The following CCDC171 variants were observed in gnomAD, a reference collection of about 807,000 sequenced individuals.
CCDC171 encodes coiled-coil domain-containing protein 171.
CCDC171 carries 177 observed loss-of-function variants against 168.2 expected under a neutral mutation model. That is an observed-to-expected ratio of 1.05 (90% CI 0.93 to 1.19). The LOEUF (loss-of-function observed/expected upper bound fraction) is 1.19, where lower values mean the gene tolerates loss of function less well. Ranked by LOEUF, CCDC171 falls within the 50% of genes most tolerant of loss-of-function variation. The probability of loss-of-function intolerance (pLI) is 0.00; values close to 1 mark genes in which losing one functional copy is unlikely to be tolerated. For missense variants in CCDC171, 1,991 were observed against 1,539.0 expected (o/e 1.29, Z -4.91); for synonymous variants, 687 against 540.8 (o/e 1.27, Z -3.75).
intron 21 of CCDC171, among the ~76,000 whole-genome samples, chr9:15,835,070 A>G (rs1452146269): frequency 6.6e-6 from 1 of 152,200 alleles, no homozygotes; most frequent in Admixed American, 6.5e-5. Context: ...AAAAGTCTTA[A>G]AAACAGGCAA....
At chr9:15,893,385 A>T (rs924852068) in intron 24 of CCDC171, among the ~76,000 whole-genome samples, 1 of 152,210 alleles carries the variant, frequency 6.6e-6, no homozygotes, top group African/African-American at 2.4e-5. Flanking sequence ...TACAGATTTC[A>T]TGATGAAGAT....
At chr9:16,070,655 G>C in the CCDC171 span, among the ~76,000 whole-genome samples, 1 of 152,206 alleles carries the variant, frequency 6.6e-6, no homozygotes, top group Non-Finnish European at 1.5e-5. Context: ...GCAAGAAAGA[G>C]GAGAGAGGAG....
intron 23 of CCDC171, among the ~76,000 whole-genome samples, chr9:15,866,828 T>C (rs1385907076): frequency 1.3e-5 from 2 of 152,030 alleles, no homozygotes; most frequent in Admixed American, 1.3e-4. Context: ...GAATTCTGTC[T>C]CCTTAATTTT....
Position 15,920,298 on chromosome 9 carries a change from A to G in CCDC171, c.3629A>G (p.Tyr1210Cys). ...QAMIKSFMDV[Y>C]QLASTRIMTL... is the part of the protein sequence containing the mutation. The stretch of plus-strand genomic sequence containing the variant: ...ATGATTAAAAGTTTCATGGATGTCT[A>G]CCAGCTTGCAAGCACTAGAATCATG... Residue 1210 changes from tyrosine to cysteine, a missense_variant, in exon 25 of 26, where the codon TAC (tyrosine) becomes TGC (cysteine). Coordinates refer to ENST00000380701, the MANE Select transcript of CCDC171 (RefSeq NM_173550.4). 6.2e-6 allele frequency: 10 copies of G among 1,600,222 alleles called. No individual in the cohort carries two copies. Among genetic ancestry groups the G allele is most frequent in the Non-Finnish European group, 8.5e-6 (10 of 1,171,580 alleles).
intron 23 of CCDC171, among the ~76,000 whole-genome samples, chr9:15,866,113 A>G (rs925684427): frequency 2.6e-5 from 4 of 152,010 alleles, no homozygotes; most frequent in East Asian, 1.9e-4. Context: ...ATAAAGCTCA[A>G]TGAGGCAGGT....
At chr9:15,807,058 C>G (rs2059114729) in intron 21 of CCDC171, among the ~76,000 whole-genome samples, 1 of 152,110 alleles carries the variant, frequency 6.6e-6, no homozygotes, top group Non-Finnish European at 1.5e-5. Flanking sequence ...GTGTGTTTTT[C>G]CCCTCTGTCA....
In CCDC171 at chr9:15,965,869, C is replaced by T. The variant is rs192565016; in HGVS notation, c.3754-5740C>T. Among the ~76,000 whole-genome samples, 5 of 152,238 alleles carry T rather than the reference C, an allele frequency of 3.3e-5. No individual in the cohort carries two copies. In the East Asian group the frequency reaches 9.7e-4, roughly 29 times the overall value. ...TGAAGTTTAGAACCTTAGTTCCTTCCACCTTCAAAGCCCGTATTCTTTCCA... is the reference window on the plus strand; with the variant it reads ...TGAAGTTTAGAACCTTAGTTCCTTCTACCTTCAAAGCCCGTATTCTTTCCA... On this transcript the variant is annotated intron_variant, in intron 25 of 25. Transcript: ENST00000380701.
At chr9:15,825,626 A>T (rs7869296) in intron 21 of CCDC171, among the ~76,000 whole-genome samples, 1,952 of 152,190 alleles carry the variant, frequency 0.013, 49 homozygotes, top group African/African-American at 0.044. Flanking sequence ...GCCCAACTTC[A>T]TTACCCTCCC....
chr9:16,020,914 C>G (rs772067490), intron 4 of CCDC171: 6 of 152,206 alleles, frequency 3.9e-5, no homozygotes, highest in Non-Finnish European at 8.8e-5. Context: ...TAAGAGGAGG[C>G]TACTGGAAAT....
At chr9:15,988,753 CT>C (rs1832084242) in intron 3 of CCDC171, among the ~76,000 whole-genome samples, 1 of 152,200 alleles carries the variant, frequency 6.6e-6, no homozygotes, top group Non-Finnish European at 1.5e-5. Context: ...TTCCAATGGT[CT>C]TAGCAAACAG....
chr9:16,006,184 A>G (rs568042967), intron 3 of CCDC171, among the ~76,000 whole-genome samples: 12 of 152,140 alleles, frequency 7.9e-5, no homozygotes, highest in Non-Finnish European at 1.6e-4. Flanking sequence ...GACTGTTTGC[A>G]AAAGTAACTC....
chr9:15,938,736 G>C (rs962735743), intron 25 of CCDC171, among the ~76,000 whole-genome samples: 2 of 151,710 alleles, frequency 1.3e-5, no homozygotes, highest in Admixed American at 1.3e-4. Context: ...TTATTCTTTT[G>C]GATATTCTTT....
intron 1 of CCDC171, among the ~76,000 whole-genome samples, chr9:16,058,972 T>A (rs1193777239): frequency 6.6e-6 from 1 of 152,216 alleles, no homozygotes; most frequent in African/African-American, 2.4e-5. Flanking sequence ...TGCTGTGGGT[T>A]TTCCCACAAT....
intron 4 of CCDC171, among the ~76,000 whole-genome samples, chr9:15,584,738 C>T (rs1184537342): frequency 6.6e-6 from 1 of 152,142 alleles, no homozygotes; most frequent in East Asian, 1.9e-4. Flanking sequence ...ATTCAGCATA[C>T]CAAGCCACCA....
intron 6 of CCDC171, among the ~76,000 whole-genome samples, chr9:15,600,666 C>G (rs561760032): frequency 5.3e-4 from 80 of 152,340 alleles, no homozygotes; most frequent in African/African-American, 1.8e-3. Flanking sequence ...TCAAAGCTGT[C>G]AGACAGGGAC....
chr9:16,065,491 G>C (rs1192308609), downstream of CCDC171, among the ~76,000 whole-genome samples: 1 of 152,192 alleles, frequency 6.6e-6, no homozygotes, highest in Non-Finnish European at 1.5e-5. Context: ...AGGAACCTGA[G>C]GGATAAGGAG....
intron 8 of CCDC171, among the ~76,000 whole-genome samples, chr9:15,662,979 TCAACAACAACAACAACAACAA>T (rs139672521): frequency 2.0e-5 from 3 of 150,122 alleles, no homozygotes; most frequent in African/African-American, 7.4e-5. Context: ...AGACTTCGTC[TCAACAACAACAACAACAACAA>T]CAACAACAAC....
At chr9:16,071,401 C>G in the CCDC171 span, among the ~76,000 whole-genome samples, 16 of 152,192 alleles carry the variant, frequency 1.1e-4, no homozygotes, top group African/African-American at 3.6e-4. Context: ...CCCCCTAAGT[C>G]AAGCCCTCGA....
chr9:15,608,826 C>G (rs1486325239), intron 6 of CCDC171, among the ~76,000 whole-genome samples: 2 of 148,592 alleles, frequency 1.3e-5, no homozygotes, highest in African/African-American at 5.0e-5. Flanking sequence ...GGCGTAGTGG[C>G]ATATACCTGT....
Sources: gnomAD v4.1 joint callset for allele counts (sites outside exome capture counted in the v4.1 genomes callset) on GRCh38, gnomAD v4.1.1 for gene constraint, MANE v1.5 for transcripts, NCBI Gene and HGNC (gene_info 2026-07-23, HGNC 2026-07-21) for gene names.